The following PDE3A variants were observed in gnomAD, a reference collection of about 807,000 sequenced individuals.
PDE3A encodes the protein phosphodiesterase 3A.
A neutral mutation model predicts 98.3 loss-of-function variants in PDE3A; 43 were observed. That is an observed-to-expected ratio of 0.44 (90% CI 0.34 to 0.56). PDE3A has a LOEUF of 0.56. Among genes scored for constraint, PDE3A ranks in the 20% least tolerant of loss-of-function variants. PDE3A has a pLI of 0.01. For missense variants in PDE3A, 1,427 were observed against 1,440.7 expected, an observed-to-expected ratio of 0.99 and a Z score of 0.15; for synonymous variants, 663 against 567.9, an observed-to-expected ratio of 1.17 and a Z score of -2.38.
intron 1 of PDE3A, among the ~76,000 whole-genome samples, chr12:20,474,569 T>C (rs1200971482): frequency 2.0e-5 from 3 of 152,152 alleles, no homozygotes; most frequent in African/African-American, 7.2e-5. Flanking sequence ...AAGATCAAGG[T>C]TTCAGCAGAG....
At chr12:20,651,687 T>C (rs147370644) in intron 14 of PDE3A, among the ~76,000 whole-genome samples, 13 of 152,314 alleles carry the variant, frequency 8.5e-5, no homozygotes, top group African/African-American at 3.1e-4. Context: ...ATAAATTGAC[T>C]GTCATTGGAC....
chr12:20,506,603 A>G (rs1946123587), intron 1 of PDE3A, among the ~76,000 whole-genome samples: 2 of 152,074 alleles, frequency 1.3e-5, no homozygotes, highest in Admixed American at 1.3e-4. Flanking sequence ...TTATAATTTT[A>G]TAGACGAATT....
At chr12:20,516,992 A>G (rs911695456) in intron 1 of PDE3A, among the ~76,000 whole-genome samples, 1 of 152,200 alleles carries the variant, frequency 6.6e-6, no homozygotes, top group Non-Finnish European at 1.5e-5. Flanking sequence ...TACAGATGGG[A>G]AAAAGAGCCC....
intron 2 of PDE3A, among the ~76,000 whole-genome samples, chr12:20,591,752 C>A (rs996959998): frequency 1.3e-5 from 2 of 152,192 alleles, no homozygotes; most frequent in African/African-American, 4.8e-5. Flanking sequence ...GGCATTTTAA[C>A]TTATCTCATG....
intron 1 of PDE3A, among the ~76,000 whole-genome samples, chr12:20,546,585 A>G (rs4762969): frequency 0.25 from 38,664 of 151,942 alleles, 6,195 homozygotes; most frequent in East Asian, 0.42. Flanking sequence ...TGCCAAGGAA[A>G]GAATCCAATC....
intron 1 of PDE3A, among the ~76,000 whole-genome samples, chr12:20,483,764 A>G (rs2121015731): frequency 6.6e-6 from 1 of 152,366 alleles, no homozygotes; most frequent in African/African-American, 2.4e-5. Context: ...GGAGGGAAAG[A>G]TAAATATTAA....
intron 1 of PDE3A, among the ~76,000 whole-genome samples, chr12:20,448,060 G>A (rs1410295471): frequency 6.6e-6 from 1 of 152,182 alleles, no homozygotes; most frequent in South Asian, 2.1e-4. Context: ...AGATTGGAAA[G>A]ATGGATCTGT....
chr12:20,573,291 A>G (rs906540269), intron 2 of PDE3A, among the ~76,000 whole-genome samples: 9 of 152,048 alleles, frequency 5.9e-5, no homozygotes, highest in Non-Finnish European at 1.2e-4. Flanking sequence ...AGAATAGATA[A>G]TTTATTTACT....
intron 2 of PDE3A, among the ~76,000 whole-genome samples, chr12:20,606,415 T>A (rs1943709432): frequency 6.6e-6 from 1 of 152,208 alleles, no homozygotes; most frequent in Non-Finnish European, 1.5e-5. Context: ...TTAGAATTTT[T>A]CATAGTTTGC....
intron 1 of PDE3A, among the ~76,000 whole-genome samples, chr12:20,398,734 G>A (rs770676917): frequency 2.0e-5 from 3 of 152,002 alleles, no homozygotes; most frequent in Admixed American, 2.0e-4. Context: ...CAAAACTTTT[G>A]TTTACTCATT....
intron 15 of PDE3A, among the ~76,000 whole-genome samples, chr12:20,666,042 C>G (rs1419508426): frequency 2.0e-5 from 3 of 147,898 alleles, no homozygotes; most frequent in Non-Finnish European, 3.0e-5. Context: ...CAGCTCACTG[C>G]AAGCTCACTC....
rs76010724 is a variant in PDE3A at position 20,492,011 on chromosome 12, C to T, written c.961-64649C>T. ...AGAGTTTTTTTTTGAGGCAGAGTCT[C>T]GCCGTGTTGCCCAGGCTGGAGTGTA... is the stretch of plus-strand genomic sequence containing the variant. On this transcript the variant is annotated intron_variant, in intron 1 of 15. Transcript: ENST00000359062. Among the ~76,000 whole-genome samples the T allele has an allele frequency of 7.2e-3, 1,094 of 151,972 alleles. 9 individuals carry two copies. Among genetic ancestry groups the T allele is most frequent in the African/African-American group, 0.025 (1,046 of 41,456 alleles).
At chr12:20,632,926 A>G (rs1321015919) in intron 6 of PDE3A, among the ~76,000 whole-genome samples, 2 of 150,718 alleles carry the variant, frequency 1.3e-5, no homozygotes, top group African/African-American at 4.9e-5. Flanking sequence ...ACCCAATTAA[A>G]TAAAATAAAT....
chr12:20,602,075 T>TTAAG (rs138369756), intron 2 of PDE3A, among the ~76,000 whole-genome samples: 5,663 of 152,324 alleles, frequency 0.037, 141 homozygotes, highest in Non-Finnish European at 0.055. Flanking sequence ...TCACATCCAG[T>TTAAG]TAAGTTCTCT....
intron 1 of PDE3A, among the ~76,000 whole-genome samples, chr12:20,431,909 C>T (rs1474970954): frequency 6.6e-6 from 1 of 152,094 alleles, no homozygotes; most frequent in East Asian, 1.9e-4. Flanking sequence ...AGTATTAAGG[C>T]AAAATTTTTA....
At chr12:20,611,200 AT>A (rs1943842261) in intron 2 of PDE3A, among the ~76,000 whole-genome samples, 1 of 144,960 alleles carries the variant, frequency 6.9e-6, no homozygotes, top group Admixed American at 7.2e-5. Context: ...ATAAAATAAA[AT>A]TCTACTTTTA....
chr12:20,498,712 ACTT>A (rs1381860416), intron 1 of PDE3A, among the ~76,000 whole-genome samples: 9 of 152,262 alleles, frequency 5.9e-5, no homozygotes, highest in Admixed American at 5.2e-4. Context: ...AAAGGCGTTT[ACTT>A]CTTCAAGCTT....
rs564967274 is a variant in PDE3A at position 20,369,159 on chromosome 12, T to A, written c.-126T>A. The A allele has an allele frequency of 1.7e-5, 11 of 628,706 alleles. No individual in the cohort carries two copies. The South Asian group carries it at 2.6e-4, about 15-fold the overall frequency. 38.9% of individuals were successfully genotyped at this position (628,706 alleles called of 1,614,324 possible). A position where few individuals can be genotyped will look rare whatever the true frequency, so the allele number is the denominator to read the frequency against. ...TTGTGGGCCTGGGGAGAAGAAGGAT[T>A]CCGAGGGTGGAATTGGGAAGAGCGT... On this transcript the variant is annotated 5_prime_UTR_variant, in exon 1 of 16. Transcript: ENST00000359062.
At chr12:20,612,120 A>G (rs7968002) in intron 2 of PDE3A, among the ~76,000 whole-genome samples, 14,777 of 151,828 alleles carry the variant, frequency 0.097, 847 homozygotes, top group East Asian at 0.2. Context: ...GTTTTTCCTC[A>G]CTACTCGTTT....
Sources: allele counts gnomAD v4.1 joint callset (sites outside exome capture counted in the v4.1 genomes callset), GRCh38; gene constraint gnomAD v4.1.1; transcripts MANE v1.5; gene names NCBI Gene and HGNC (gene_info 2026-07-23, HGNC 2026-07-21).